OR10J1: variants seen among roughly 807,000 people sequenced by gnomAD.
The protein encoded by OR10J1 is olfactory receptor family 10 subfamily J member 1, also known as olfactory receptor 10J1.
For synonymous variants in OR10J1, 202 were observed against 143.8 expected (o/e 1.40, Z -2.89); for missense variants, 474 against 376.6 (o/e 1.26, Z -2.14).
At chr1:159,439,518 G>C (rs932840752), upstream of OR10J1, among the ~76,000 whole-genome samples, 3 of 152,156 alleles carry the variant, frequency 2.0e-5, no homozygotes, top group Non-Finnish European at 4.4e-5. Context: ...AGGAAGAGTA[G>C]ATATGAAGTA....
chr1:159,406,988 G>T, the OR10J1 span, among the ~76,000 whole-genome samples: 3 of 151,986 alleles, frequency 2.0e-5, no homozygotes, highest in African/African-American at 4.8e-5. Context: ...CCATGTTTTC[G>T]GAAATAGAGG....
the OR10J1 span, among the ~76,000 whole-genome samples, chr1:159,397,983 C>A: frequency 3.9e-5 from 6 of 152,330 alleles, no homozygotes; most frequent in East Asian, 1.2e-3. Flanking sequence ...TCTGTGCAGT[C>A]ATAGTGATGG....
chr1:159,406,639 AC>A, the OR10J1 span, among the ~76,000 whole-genome samples: 1 of 152,248 alleles, frequency 6.6e-6, no homozygotes, highest in East Asian at 1.9e-4. Context: ...AATTAAGAAA[AC>A]AGCTACCCTA....
chr1:159,405,980 G>T, the OR10J1 span: 1 of 457,164 alleles, frequency 2.2e-6, no homozygotes. Context: ...AATACCGTAA[G>T]GGGTTGCAGA....
the OR10J1 span, among the ~76,000 whole-genome samples, chr1:159,421,543 A>G: frequency 6.6e-6 from 1 of 151,980 alleles, no homozygotes; most frequent in East Asian, 1.9e-4. Flanking sequence ...ATTTGTTCTC[A>G]TGGGTGTGGA....
chr1:159,440,384 CT>C lies in OR10J1; in HGVS notation c.596del (p.Leu199Ter), dbSNP rs1327042613. Reference sequence around the variant, plus strand: ...GACACCACTGTCAATGAAATCCTGACTTTGATTATCAGTGTGCTGGTGCTTG... The same window carrying C: ...GACACCACTGTCAATGAAATCCTGACTTGATTATCAGTGTGCTGGTGCTTG... Reference protein sequence around the residue: ...CIDTTVNEILTLIISVLVLVV... With the variant: ...CIDTTVNEILXLIISVLVLVV... On this transcript the variant is annotated frameshift_variant, in exon 1 of 1. Transcript: ENST00000423932. LOFTEE classifies it low-confidence loss of function (END_TRUNC). 6.4e-5 allele frequency: 104 copies of C among 1,614,032 alleles called. No homozygotes were observed. Among genetic ancestry groups the C allele is most frequent in the Non-Finnish European group, 8.2e-5 (97 of 1,180,030 alleles).
At chr1:159,430,674 C>A in the OR10J1 span, among the ~76,000 whole-genome samples, 3 of 30,842 alleles carry the variant, frequency 9.7e-5, no homozygotes, top group Non-Finnish European at 2.3e-4. Flanking sequence ...TGTGTGCGCG[C>A]GCGCACATGT....
chr1:159,437,396 G>A (rs1194003552), upstream of OR10J1, among the ~76,000 whole-genome samples: 2 of 151,528 alleles, frequency 1.3e-5, no homozygotes, highest in East Asian at 3.9e-4. Flanking sequence ...TAAGCAAAAG[G>A]CCCTAAACTT....
chr1:159,407,540 G>A, the OR10J1 span, among the ~76,000 whole-genome samples: 2 of 152,248 alleles, frequency 1.3e-5, no homozygotes, highest in East Asian at 1.9e-4. Flanking sequence ...TATTAAAGGA[G>A]ATGTGTTTAA....
At chr1:159,418,366 G>A in the OR10J1 span, among the ~76,000 whole-genome samples, 1 of 152,128 alleles carries the variant, frequency 6.6e-6, no homozygotes, top group East Asian at 1.9e-4. Flanking sequence ...GTTATGCACA[G>A]TCTATTGGTG....
chr1:159,407,690 A>G, the OR10J1 span, among the ~76,000 whole-genome samples: 1 of 152,144 alleles, frequency 6.6e-6, no homozygotes, highest in Non-Finnish European at 1.5e-5. Flanking sequence ...ATATTTCTCT[A>G]TGAAATCAGT....
upstream of OR10J1, among the ~76,000 whole-genome samples, chr1:159,434,870 G>A (rs1655690955): frequency 6.6e-6 from 1 of 152,082 alleles, no homozygotes; most frequent in South Asian, 2.1e-4. Flanking sequence ...TCACTCTGAG[G>A]TCAACATCAA....
chr1:159,440,192 T>C lies in OR10J1; in HGVS notation c.401T>C (p.Val134Ala). The change falls in exon 1 of 1, where the codon GTT becomes GCT. Residue 134 changes from valine to alanine, a missense_variant. Transcript: ENST00000423932. ...VAICNPLRYM[V>A]IMNKRLRIQL... ...ATCTGCAACCCCCTGAGATACATGG[T>C]TATTATGAACAAGAGGCTGCGTATC... The C allele has an allele frequency of 6.2e-7, 1 of 1,614,032 alleles. No homozygotes were observed. Among genetic ancestry groups the C allele is most frequent in the Non-Finnish European group, 8.5e-7 (1 of 1,179,960 alleles).
At chr1:159,407,781 C>T in the OR10J1 span, among the ~76,000 whole-genome samples, 8 of 152,086 alleles carry the variant, frequency 5.3e-5, no homozygotes, top group Non-Finnish European at 1.0e-4. Flanking sequence ...TCAAATATTT[C>T]TTATTCCCAT....
At chr1:159,418,127 A>G in the OR10J1 span, among the ~76,000 whole-genome samples, 129 of 152,310 alleles carry the variant, frequency 8.5e-4, no homozygotes, top group South Asian at 1.9e-3. Context: ...AAAGTTCAGA[A>G]AATTTGCAGT....
chr1:159,402,590 C>A, the OR10J1 span, among the ~76,000 whole-genome samples: 1 of 151,878 alleles, frequency 6.6e-6, no homozygotes, highest in African/African-American at 2.4e-5. Flanking sequence ...AACTATAAAA[C>A]ACTCATGAAA....
the OR10J1 span, among the ~76,000 whole-genome samples, chr1:159,412,425 G>C: frequency 6.6e-6 from 1 of 150,814 alleles, no homozygotes; most frequent in Admixed American, 6.6e-5. Flanking sequence ...CACGCTACCT[G>C]ACTTCAAACT....
chr1:159,413,438 C>T, the OR10J1 span, among the ~76,000 whole-genome samples: 2 of 151,814 alleles, frequency 1.3e-5, no homozygotes, highest in African/African-American at 4.8e-5. Context: ...TGGAACCAAC[C>T]CAAATGTCCA....
chr1:159,429,485 T>A, the OR10J1 span, among the ~76,000 whole-genome samples: 1 of 152,166 alleles, frequency 6.6e-6, no homozygotes, highest in Non-Finnish European at 1.5e-5. Flanking sequence ...GAGGCATGAG[T>A]CCTCTTCAAC....
Sources: allele counts gnomAD v4.1 joint callset (sites outside exome capture counted in the v4.1 genomes callset), GRCh38; gene constraint gnomAD v4.1.1; transcripts MANE v1.5; gene names NCBI Gene and HGNC (gene_info 2026-07-23, HGNC 2026-07-21).